MYO3B: variants seen among roughly 807,000 people sequenced by gnomAD.
MYO3B encodes the protein myosin IIIB.
Under a neutral mutation model 174.6 loss-of-function variants are expected in MYO3B, and 156 were observed. That is an observed-to-expected ratio of 0.89 (90% CI 0.78 to 1.02). The LOEUF (loss-of-function observed/expected upper bound fraction) is 1.02, where lower values mean the gene tolerates loss of function less well. Among genes scored for constraint, MYO3B ranks in the 50% least tolerant of loss-of-function variants. The pLI is 0.00. For synonymous variants in MYO3B, 563 were observed against 569.1 expected (o/e 0.99, Z 0.15); for missense variants, 1,632 against 1,639.4 (o/e 1.00, Z 0.08).
At chr2:170,401,802 C>A in intron 18 of MYO3B, 111 bp downstream of exon 18, 57 of 698,034 alleles carry the variant, frequency 8.2e-5, no homozygotes, top group Non-Finnish European at 1.2e-4. Flanking sequence ...CTTTCTTTTT[C>A]TTTTTTTTTT....
At chr2:170,196,492 G>T (rs1391787167) in intron 1 of MYO3B, among the ~76,000 whole-genome samples, 1 of 152,126 alleles carries the variant, frequency 6.6e-6, no homozygotes, top group Admixed American at 6.6e-5. Flanking sequence ...CTACAGCCTG[G>T]GTGACAGAGT....
chr2:170,630,728 G>A (rs1373792929), intron 32 of MYO3B, among the ~76,000 whole-genome samples: 3 of 152,238 alleles, frequency 2.0e-5, no homozygotes, highest in Admixed American at 2.0e-4. Context: ...AACATTTGCT[G>A]TTCTGCAGCC....
chr2:170,288,993 C>T (rs931246399), intron 7 of MYO3B, among the ~76,000 whole-genome samples: 6 of 151,936 alleles, frequency 3.9e-5, no homozygotes, highest in African/African-American at 1.4e-4. Context: ...CAATTCTGTT[C>T]GTGTGTTGTA....
At chr2:170,592,497 G>C (rs1693879067) in intron 32 of MYO3B, among the ~76,000 whole-genome samples, 1 of 152,158 alleles carries the variant, frequency 6.6e-6, no homozygotes, top group African/African-American at 2.4e-5. Context: ...GAGAAATTAA[G>C]AGCCTTGCCA....
intron 28 of MYO3B, among the ~76,000 whole-genome samples, chr2:170,505,015 A>C (rs16858652): frequency 0.048 from 7,285 of 152,176 alleles, 576 homozygotes; most frequent in African/African-American, 0.16. Context: ...TGCCTTTCAA[A>C]TACATGAGCT....
intron 16 of MYO3B, among the ~76,000 whole-genome samples, chr2:170,399,934 G>C (rs991495020): frequency 6.6e-6 from 1 of 152,216 alleles, no homozygotes; most frequent in Non-Finnish European, 1.5e-5. Flanking sequence ...GAGAAGGAAA[G>C]TGTGGAGGAG....
At chr2:170,441,065 G>T (rs2094797553) in intron 22 of MYO3B, among the ~76,000 whole-genome samples, 1 of 152,134 alleles carries the variant, frequency 6.6e-6, no homozygotes, top group Non-Finnish European at 1.5e-5. Flanking sequence ...CTCCCAAAGT[G>T]CTGGGATTAC....
At chr2:170,560,513 T>A (rs1691637051) in intron 32 of MYO3B, among the ~76,000 whole-genome samples, 1 of 152,172 alleles carries the variant, frequency 6.6e-6, no homozygotes, top group Admixed American at 6.5e-5. Flanking sequence ...CCCAAAGGGA[T>A]TCTTCCTTTT....
intron 32 of MYO3B, among the ~76,000 whole-genome samples, chr2:170,579,742 G>C (rs866007592): frequency 6.6e-6 from 1 of 152,202 alleles, no homozygotes; most frequent in South Asian, 2.1e-4. Flanking sequence ...TTCAGTGGGT[G>C]GTCTTGGAGC....
intron 1 of MYO3B, chr2:170,180,102 A>T (rs574679677): frequency 1.5e-5 from 6 of 387,676 alleles, no homozygotes; most frequent in African/African-American, 1.0e-4. Flanking sequence ...GCAAGTTTCT[A>T]TTTAAATCAT....
At chr2:170,532,085 G>A (rs1689389398) in intron 30 of MYO3B, among the ~76,000 whole-genome samples, 1 of 152,222 alleles carries the variant, frequency 6.6e-6, no homozygotes, top group African/African-American at 2.4e-5. Flanking sequence ...AGCATCACCA[G>A]TAATTGAACA....
intron 7 of MYO3B, among the ~76,000 whole-genome samples, chr2:170,299,802 G>A (rs1025577442): frequency 7.2e-5 from 11 of 152,176 alleles, no homozygotes; most frequent in East Asian, 1.9e-4. Flanking sequence ...TATTTTCATC[G>A]TGGGCAAGGG....
intron 6 of MYO3B, among the ~76,000 whole-genome samples, chr2:170,221,739 A>AT (rs745661101): frequency 5.7e-4 from 74 of 129,698 alleles, no homozygotes; most frequent in South Asian, 1.7e-3. Context: ...GATCAGTAGA[A>AT]TTTTTTTTTA....
chr2:170,517,581 G>C (rs572012927), intron 29 of MYO3B, among the ~76,000 whole-genome samples: 1 of 152,136 alleles, frequency 6.6e-6, no homozygotes, highest in African/African-American at 2.4e-5. Context: ...CTTTCCACAA[G>C]GGCAATATCA....
chr2:170,212,817 G>A (rs1374263135), intron 3 of MYO3B, among the ~76,000 whole-genome samples: 1 of 152,208 alleles, frequency 6.6e-6, no homozygotes, highest in African/African-American at 2.4e-5. Context: ...CCAGTCTGCT[G>A]TGGGGATGCC....
At position 170,370,624 on chromosome 2, in the gene MYO3B, T is replaced by TACAC. The variant is rs55790344; in HGVS notation, c.971+1295_971+1298dup. Among the ~76,000 whole-genome samples the TACAC allele has an allele frequency of 7.9e-3, 1,027 of 129,478 alleles. 11 individuals are homozygous for TACAC. The highest frequency in any genetic ancestry group is 0.01 in the East Asian group (42 of 4,072). 84.9% of individuals were successfully genotyped at this position (129,478 alleles called of 152,430 possible). A position where few individuals can be genotyped will look rare whatever the true frequency, so the allele number is the denominator to read the frequency against. ...CCAGCCACCACCCCTACCACCCACCTACACACACACACACACACACACACA... is the reference window on the plus strand; with the variant it reads ...CCAGCCACCACCCCTACCACCCACCTACACACACACACACACACACACACACACA... On this transcript the variant is annotated intron_variant, in intron 9 of 34. Coordinates refer to ENST00000408978, the MANE Select transcript of MYO3B (RefSeq NM_138995.5).
rs189917863 is a variant in MYO3B, at chr2:170,630,310, C to T, written c.3734-21318C>T. 1.7e-3 allele frequency among the ~76,000 whole-genome samples: 259 copies of T among 150,128 alleles called. 1 individual carries two copies. The highest frequency in any genetic ancestry group is 5.1e-3 in the African/African-American group (211 of 41,234). On this transcript the variant is annotated intron_variant, in intron 32 of 34. Transcript: ENST00000408978. ...CATGGATCCTTGCTCATTGCTAGTC[C>T]GAGATCAAATTGCAAGGCGGCAAGC...
At chr2:170,337,133 C>G (rs2093951741) in intron 8 of MYO3B, among the ~76,000 whole-genome samples, 1 of 151,870 alleles carries the variant, frequency 6.6e-6, no homozygotes, top group Admixed American at 6.6e-5. Flanking sequence ...AGGGATGATG[C>G]TCACATAAGA....
chr2:170,514,825 T>C, intron 28 of MYO3B, 96 bp from the exon 29 acceptor site: 1 of 988,946 alleles, frequency 1.0e-6, no homozygotes, highest in Non-Finnish European at 1.5e-6. Flanking sequence ...GTAAGAAAAG[T>C]GTGGATTTTC....
Sources: allele counts gnomAD v4.1 joint callset (sites outside exome capture counted in the v4.1 genomes callset), GRCh38; gene constraint gnomAD v4.1.1; transcripts MANE v1.5; gene names NCBI Gene and HGNC (gene_info 2026-07-23, HGNC 2026-07-21).